The following DOCK9 variants were observed in gnomAD, a reference collection of about 807,000 sequenced individuals.
DOCK9 encodes dedicator of cytokinesis 9.
A neutral mutation model predicts 263.3 loss-of-function variants in DOCK9; 89 were observed. That is an observed-to-expected ratio of 0.34 (90% CI 0.28 to 0.40). The LOEUF is 0.40. DOCK9 is among the 10% of genes least tolerant of loss of function. The pLI is 1.00. For missense variants in DOCK9, 2,140 were observed against 2,603.4 expected, an observed-to-expected ratio of 0.82 and a Z score of 3.87; for synonymous variants, 976 against 973.1, an observed-to-expected ratio of 1.00 and a Z score of -0.06.
In DOCK9 at chr13:98,902,488, C is replaced by G. The variant is rs2048442827; in HGVS notation, c.1180G>C (p.Glu394Gln). 6.2e-7 allele frequency: 1 copy of G among 1,613,198 alleles called. No homozygotes were observed. The highest frequency in any genetic ancestry group is 8.5e-7 in the Non-Finnish European group (1 of 1,179,586). ...ENEEGPTTNV[E>Q]PFFVTLSLFD... The stretch of plus-strand genomic sequence containing the variant: ...AGGGATAGAGTAACAAAGAAAGGTT[C>G]AACCTGAACAAAACAAAACAATCCA... Residue 394 changes from glutamate (E) to glutamine (Q), a missense_variant, in exon 12 of 53, where the codon GAA becomes CAA. Coordinates refer to ENST00000682017, the MANE Select transcript of DOCK9 (RefSeq NM_001366683.2).
intron 41 of DOCK9, among the ~76,000 whole-genome samples, chr13:98,830,552 A>C (rs2092718240): frequency 6.6e-6 from 1 of 152,232 alleles, no homozygotes; most frequent in Admixed American, 6.5e-5. Flanking sequence ...AGTAAGGAAC[A>C]TCTCTAGTTC....
chr13:98,921,659 C>T (rs1189663923), intron 6 of DOCK9, among the ~76,000 whole-genome samples: 1 of 152,178 alleles, frequency 6.6e-6, no homozygotes, highest in Non-Finnish European at 1.5e-5. Flanking sequence ...TTTCTTTTCT[C>T]GTCCTCAATT....
chr13:98,835,521 A>G (rs1284788064), intron 39 of DOCK9, among the ~76,000 whole-genome samples: 2 of 152,170 alleles, frequency 1.3e-5, no homozygotes, highest in Non-Finnish European at 2.9e-5. Context: ...ATAAACCTGC[A>G]CAGAGATCAC....
chr13:98,843,111 T>G (rs1029491217), intron 38 of DOCK9, among the ~76,000 whole-genome samples: 6 of 152,170 alleles, frequency 3.9e-5, no homozygotes, highest in African/African-American at 1.2e-4. Context: ...CCTTTCCTAC[T>G]CTACAGAAAT....
intron 1 of DOCK9, among the ~76,000 whole-genome samples, chr13:99,077,483 C>G (rs1480322418): frequency 6.6e-6 from 1 of 152,168 alleles, no homozygotes; most frequent in Non-Finnish European, 1.5e-5. Context: ...TGAGGCCTCT[C>G]CAGAAGCAGA....
rs372617818 is a variant in DOCK9, at chr13:99,057,151, C to T, written c.129+29072G>A. On this transcript the variant is annotated intron_variant, in intron 1 of 32. Transcript: ENST00000427887. The stretch of plus-strand genomic sequence containing the variant: ...CCCCCTCAATACACTCAGCTGGACC[C>T]CCACCCTTTAGTTCTTGGAGACATA... Among the ~76,000 whole-genome samples, 9 of 152,268 alleles carry T rather than the reference C, an allele frequency of 5.9e-5. No individual in the cohort carries two copies. The East Asian group carries it at 1.3e-3, about 23-fold the overall frequency.
chr13:98,815,505 G>T (rs892644045), intron 45 of DOCK9, among the ~76,000 whole-genome samples: 8 of 151,862 alleles, frequency 5.3e-5, no homozygotes, highest in Admixed American at 2.0e-4. Context: ...TTTTGAGACG[G>T]AGTCTCACTC....
At chr13:98,964,342 G>C (rs181644033) in intron 1 of DOCK9, among the ~76,000 whole-genome samples, 1 of 152,174 alleles carries the variant, frequency 6.6e-6, no homozygotes, top group South Asian at 2.1e-4. Flanking sequence ...CTCAATAACT[G>C]TGTGTTGGAT....
At chr13:98,848,870 G>C (rs556948072) in intron 36 of DOCK9, among the ~76,000 whole-genome samples, 59 of 152,086 alleles carry the variant, frequency 3.9e-4, no homozygotes, top group Non-Finnish European at 7.2e-4. Flanking sequence ...TGTCAGTGTG[G>C]TGGTGGCTGG....
intron 2 of DOCK9, among the ~76,000 whole-genome samples, chr13:98,955,120 C>T (rs927703966): frequency 2.0e-5 from 3 of 152,030 alleles, no homozygotes; most frequent in East Asian, 1.9e-4. Context: ...GAGTTTGGGA[C>T]GACCCTGGCC....
At chr13:99,045,936 CA>C (rs35637605) in intron 1 of DOCK9, among the ~76,000 whole-genome samples, 74,261 of 138,142 alleles carry the variant, frequency 0.54, 19,115 homozygotes, top group South Asian at 0.69. Flanking sequence ...ACTAAAAATA[CA>C]AAAAAAAAAA....
intron 1 of DOCK9, among the ~76,000 whole-genome samples, chr13:98,989,455 GC>G (rs1319461601): frequency 6.6e-6 from 1 of 151,930 alleles, no homozygotes; most frequent in African/African-American, 2.4e-5. Flanking sequence ...TCTGAATTTT[GC>G]ACAACTTCCC....
intron 12 of DOCK9, 111 bp downstream of exon 12, chr13:98,902,177 T>C (rs2048381614): frequency 1.7e-6 from 2 of 1,165,576 alleles, no homozygotes; most frequent in East Asian, 2.6e-5. Context: ...TAATTAAGAG[T>C]CTAATGACCC....
At chr13:98,866,913 T>A (rs1388496789) in intron 30 of DOCK9, 1 of 233,792 alleles carries the variant, frequency 4.3e-6, no homozygotes, top group East Asian at 1.3e-4. Flanking sequence ...AGTGAAAAAA[T>A]TCACTAATTT....
At chr13:98,921,724 C>T (rs537120030) in intron 6 of DOCK9, among the ~76,000 whole-genome samples, 1 of 152,346 alleles carries the variant, frequency 6.6e-6, no homozygotes, top group East Asian at 1.9e-4. Context: ...TCAGGATTGG[C>T]ATGACAGATA....
At chr13:98,996,219 G>T (rs893113754) in intron 1 of DOCK9, among the ~76,000 whole-genome samples, 4 of 152,206 alleles carry the variant, frequency 2.6e-5, no homozygotes, top group Non-Finnish European at 4.4e-5. Flanking sequence ...AAAAGAGGAT[G>T]CTGGCCAAGG....
Position 98,810,246 on chromosome 13 carries a change from T to G in DOCK9, c.5176A>C (p.Lys1726Gln). 6.2e-7 allele frequency: 1 copy of G among 1,613,856 alleles called. No individual in the cohort carries two copies. Among genetic ancestry groups the G allele is most frequent in the Non-Finnish European group, 8.5e-7 (1 of 1,179,876 alleles). ...GCGATGAGCTCGTAGCGCTCGGCTT[T>G]CCAGAGTCCATCTGCGCACTGCTCA... ...LLEQCADGLW[K>Q]AERYELIADI... Residue 1726 changes from lysine to glutamine, a missense_variant, in exon 46 of 53, where the codon AAA becomes CAA. Coordinates refer to ENST00000682017, the MANE Select transcript of DOCK9 (RefSeq NM_001366683.2).
At chr13:98,969,387 C>A (rs1415758456) in intron 1 of DOCK9, among the ~76,000 whole-genome samples, 1 of 151,998 alleles carries the variant, frequency 6.6e-6, no homozygotes, top group African/African-American at 2.4e-5. Context: ...GTCTTTCCTG[C>A]AGGCCCTTTC....
intron 1 of DOCK9, among the ~76,000 whole-genome samples, chr13:99,060,928 A>C (rs973228129): frequency 4.6e-5 from 7 of 152,212 alleles, no homozygotes; most frequent in African/African-American, 1.7e-4. Flanking sequence ...TTAAATAAAT[A>C]AGTTACCAAA....
Sources: gnomAD v4.1 joint callset for allele counts (sites outside exome capture counted in the v4.1 genomes callset) on GRCh38, gnomAD v4.1.1 for gene constraint, MANE v1.5 for transcripts, NCBI Gene and HGNC (gene_info 2026-07-23, HGNC 2026-07-21) for gene names.